The following TMEM184B variants were observed in gnomAD, a reference collection of about 807,000 sequenced individuals.
TMEM184B encodes transmembrane protein 184B, also known as putative MAPK-activating protein FM08.
TMEM184B carries 17 observed loss-of-function variants against 41.8 expected under a neutral mutation model. The ratio of observed to expected loss-of-function variants is 0.41; its 90% confidence interval spans 0.28 to 0.61. TMEM184B has a LOEUF of 0.61. Ranked by LOEUF, TMEM184B falls within the 20% of genes least tolerant of loss-of-function variation. The pLI, the probability that TMEM184B is intolerant of heterozygous loss-of-function variation, is 0.34. For synonymous variants in TMEM184B, 240 were observed against 229.5 expected, an observed-to-expected ratio of 1.05 and a Z score of -0.41; for missense variants, 393 against 557.8, an observed-to-expected ratio of 0.70 and a Z score of 2.98.
At position 38,260,351 on chromosome 22, in the gene TMEM184B, C is replaced by T. The variant is rs561268228; in HGVS notation, c.-58-12332G>A. Among the ~76,000 whole-genome samples, 203 of 152,238 alleles carry T rather than the reference C, an allele frequency of 1.3e-3. 2 individuals carry two copies. The highest frequency in any genetic ancestry group is 4.3e-3 in the African/African-American group (177 of 41,554). ...GATTACAGATGTGAGCCACCGCACCCGACCTAATTTGTGTTTTAAGTCACT... is the reference window on the plus strand; with the variant it reads ...GATTACAGATGTGAGCCACCGCACCTGACCTAATTTGTGTTTTAAGTCACT... On this transcript the variant is annotated intron_variant, in intron 1 of 8. Transcript: ENST00000361906.
At chr22:38,228,431 G>A (rs1411833941) in intron 5 of TMEM184B, among the ~76,000 whole-genome samples, 2 of 144,222 alleles carry the variant, frequency 1.4e-5, no homozygotes, top group African/African-American at 5.2e-5. Flanking sequence ...CAGCAGCAGA[G>A]CCCAGGCCAG....
intron 5 of TMEM184B, among the ~76,000 whole-genome samples, chr22:38,228,503 G>A (rs2091516022): frequency 6.6e-6 from 1 of 152,204 alleles, no homozygotes; most frequent in African/African-American, 2.4e-5. Context: ...AGGCTGGGCT[G>A]GACATCAGAA....
intron 1 of TMEM184B, among the ~76,000 whole-genome samples, chr22:38,271,643 C>A (rs2092525356): frequency 6.6e-6 from 1 of 152,192 alleles, no homozygotes; most frequent in Non-Finnish European, 1.5e-5. Context: ...GTATTTTTCA[C>A]ATCATCGTGA....
rs140620902 is a variant in TMEM184B, at chr22:38,220,378, C to G, written c.*1091G>C. ...CAGGGAGGGGCGCTTTCATATGTGACTAAGGCACAGAAGAGATGGGCCAGG... is the reference window on the plus strand; with the variant it reads ...CAGGGAGGGGCGCTTTCATATGTGAGTAAGGCACAGAAGAGATGGGCCAGG... On this transcript the variant is annotated 3_prime_UTR_variant, in exon 9 of 9. Transcript: ENST00000361906. The G allele has an allele frequency of 7.7e-4, 756 of 986,142 alleles. 5 individuals carry two copies. The African/African-American group carries it at 0.012, about 15-fold the overall frequency. The allele number at this position is 986,142 out of a possible 1,614,324, so 61.1% of individuals were successfully genotyped here.
In TMEM184B at chr22:38,225,378, G is replaced by T; in HGVS notation, c.787+46C>A. 6.6e-7 allele frequency: 1 copy of T among 1,524,784 alleles called. No individual in the cohort carries two copies. The highest frequency in any genetic ancestry group is 8.8e-7 in the Non-Finnish European group (1 of 1,138,990). 94.5% of individuals were successfully genotyped at this position (1,524,784 alleles called of 1,614,324 possible). On this transcript the variant is annotated intron_variant, in intron 7 of 8. Coordinates refer to ENST00000361906, the MANE Select transcript of TMEM184B (RefSeq NM_012264.5). This position sits in a 1 kb window ranked among gnomAD's most constrained non-coding sequence, Gnocchi z 4.4. ...CAGAAGGGGCAGCAGGAAGCGCAGA[G>T]GACAGGGTGGCATGGGCAGCCTCCA...
At chr22:38,230,817 G>A in intron 4 of TMEM184B, 73 bp from the exon 5 acceptor site, 1 of 1,430,354 alleles carries the variant, frequency 7.0e-7, no homozygotes, top group South Asian at 1.2e-5. Flanking sequence ...GGGTGGGGAA[G>A]GCCGCCCTCC....
chr22:38,226,759 G>T lies in TMEM184B; in HGVS notation c.617+20C>A. ...CGCCAACACTCCTCCCACACACCCC[G>T]GGGAGCACCCGCTGCTTACTCAAAG... On this transcript the variant is annotated intron_variant, in intron 6 of 8. Transcript: ENST00000361906. This position sits in a 1 kb window ranked among gnomAD's most constrained non-coding sequence, Gnocchi z 4.6. The T allele has an allele frequency of 1.3e-6, 2 of 1,578,940 alleles. No homozygotes were observed. The highest frequency in any genetic ancestry group is 2.3e-5 in the East Asian group (1 of 43,226).
At chr22:38,242,727 G>A (rs559911782) in intron 3 of TMEM184B, among the ~76,000 whole-genome samples, 79 of 152,322 alleles carry the variant, frequency 5.2e-4, no homozygotes, top group African/African-American at 1.8e-3. Context: ...CAGTGGTGCA[G>A]GGACAAGGCA....
intron 1 of TMEM184B, among the ~76,000 whole-genome samples, chr22:38,266,197 G>A (rs2092441599): frequency 6.6e-6 from 1 of 152,230 alleles, no homozygotes; most frequent in South Asian, 2.1e-4. Flanking sequence ...CCAGAGAGGA[G>A]GCTGGAGTCT....
rs1172754400 is a variant in TMEM184B at position 38,220,936 on chromosome 22, G to A, written c.*533C>T. 1 of 988,114 alleles carries A rather than the reference G, an allele frequency of 1.0e-6. No individual in the cohort carries two copies. Among genetic ancestry groups the A allele is most frequent in the Non-Finnish European group, 1.2e-6 (1 of 831,528 alleles). 61.2% of individuals were successfully genotyped at this position (988,114 alleles called of 1,614,324 possible). On this transcript the variant is annotated 3_prime_UTR_variant, in exon 9 of 9. Transcript: ENST00000361906. ...TGCCACAGAGGCCTGGGTCAGGAGGGGAGGACCACAGAGCGCCCACATCCC... is the reference window on the plus strand; with the variant it reads ...TGCCACAGAGGCCTGGGTCAGGAGGAGAGGACCACAGAGCGCCCACATCCC...
chr22:38,232,434 G>A (rs1413633731), intron 3 of TMEM184B, among the ~76,000 whole-genome samples: 13 of 152,178 alleles, frequency 8.5e-5, no homozygotes, highest in Admixed American at 8.5e-4. Flanking sequence ...GGTGCTAGAG[G>A]CAAATGGACA....
chr22:38,243,279 G>A (rs957764712), intron 3 of TMEM184B, among the ~76,000 whole-genome samples: 22 of 152,294 alleles, frequency 1.4e-4, no homozygotes, highest in East Asian at 9.7e-4. Context: ...AGGGGTGCCC[G>A]CCAGCCATCT....
At chr22:38,258,075 C>T (rs1304914865) in intron 1 of TMEM184B, among the ~76,000 whole-genome samples, 2 of 152,158 alleles carry the variant, frequency 1.3e-5, no homozygotes, top group Admixed American at 6.5e-5. Context: ...CTCATTCACA[C>T]GCCACCCAGC....
In TMEM184B at chr22:38,220,609, G is replaced by GGACC; in HGVS notation, c.*856_*859dup. 1.0e-6 allele frequency: 1 copy of GGACC among 986,178 alleles called. No homozygotes were observed. Among genetic ancestry groups the GGACC allele is most frequent in the Non-Finnish European group, 1.2e-6 (1 of 830,164 alleles). 61.1% of individuals were successfully genotyped at this position (986,178 alleles called of 1,614,324 possible). A position where few individuals can be genotyped will look rare whatever the true frequency, so the allele number is the denominator to read the frequency against. On this transcript the variant is annotated 3_prime_UTR_variant, in exon 9 of 9. Transcript: ENST00000361906. ...GAGGGAGAAGCCCCAAAGAGAGAGAGGACCCAGCATCAGCCTGGGAAGGAG... is the reference window on the plus strand; with the variant it reads ...GAGGGAGAAGCCCCAAAGAGAGAGAGGACCGACCCAGCATCAGCCTGGGAAGGAG...
chr22:38,217,730 G>C (rs568601394), downstream of TMEM184B, among the ~76,000 whole-genome samples: 1 of 150,214 alleles, frequency 6.7e-6, no homozygotes, highest in African/African-American at 2.4e-5. Flanking sequence ...TCAGGAGGTT[G>C]AGACAAGAGA....
At position 38,226,602 on chromosome 22, in the gene TMEM184B, G is replaced by A. The variant is rs1253289373; in HGVS notation, c.617+177C>T. 8 of 590,200 alleles carry A rather than the reference G, an allele frequency of 1.4e-5. No individual in the cohort carries two copies. The highest frequency in any genetic ancestry group is 5.6e-5 in the African/African-American group (3 of 53,786). 36.6% of individuals were successfully genotyped at this position (590,200 alleles called of 1,614,324 possible). ...CCAATGGCTCACTCCGGGGCTGGCA[G>A]CGGGGCCAACTGCAAGGGTGTCCAC... is the stretch of plus-strand genomic sequence containing the variant. On this transcript the variant is annotated intron_variant, in intron 6 of 8. Coordinates refer to ENST00000361906, the MANE Select transcript of TMEM184B (RefSeq NM_012264.5). The surrounding 1 kb of genome is among the most constrained non-coding windows in gnomAD (Gnocchi z 4.6).
Position 38,225,141 on chromosome 22 carries a change from C to T in TMEM184B, c.788-162G>A, listed in dbSNP as rs886883313. Among the ~76,000 whole-genome samples the T allele has an allele frequency of 3.9e-5, 6 of 152,204 alleles. No homozygotes were observed. Among genetic ancestry groups the T allele is most frequent in the Non-Finnish European group, 7.3e-5 (5 of 68,028 alleles). On this transcript the variant is annotated intron_variant, in intron 7 of 8. Transcript: ENST00000361906. This position sits in a 1 kb window ranked among gnomAD's most constrained non-coding sequence, Gnocchi z 4.4. ...GGTAGCGACACAAGGCCACAGCCTC[C>T]GGAAACCCCACTCTCCCAGCTCTTT...
intron 2 of TMEM184B, chr22:38,246,999 G>A (rs1290660913): frequency 3.6e-6 from 2 of 551,926 alleles, no homozygotes; most frequent in African/African-American, 2.0e-5. Context: ...GCTGACTAGG[G>A]AACACGAGCA....
intron 3 of TMEM184B, among the ~76,000 whole-genome samples, chr22:38,243,202 G>C (rs1048191029): frequency 2.0e-5 from 3 of 152,198 alleles, no homozygotes; most frequent in Admixed American, 6.5e-5. Flanking sequence ...ACTTCCTGGA[G>C]GACCTCTCCC....
Sources: allele counts gnomAD v4.1 joint callset (sites outside exome capture counted in the v4.1 genomes callset), GRCh38; gene constraint gnomAD v4.1.1; non-coding constraint Gnocchi (gnomAD v3.1); transcripts MANE v1.5; gene names NCBI Gene and HGNC (gene_info 2026-07-23, HGNC 2026-07-21).